The following SHB variants were observed in gnomAD, a reference collection of about 807,000 sequenced individuals.
SHB encodes SH2 domain-containing adapter protein B.
A neutral mutation model predicts 52.3 loss-of-function variants in SHB; 20 were observed. That is an observed-to-expected ratio of 0.38 (90% CI 0.27 to 0.56). The LOEUF (loss-of-function observed/expected upper bound fraction) is 0.56. Among genes scored for constraint, SHB ranks in the 20% least tolerant of loss-of-function variants. SHB has a pLI of 0.71. For missense variants in SHB, 825 were observed against 723.3 expected (o/e 1.14, Z -1.61); for synonymous variants, 397 against 316.5 (o/e 1.25, Z -2.70).
At chr9:38,066,145 C>G (rs1587272560) in intron 1 of SHB, among the ~76,000 whole-genome samples, 2 of 152,208 alleles carry the variant, frequency 1.3e-5, no homozygotes, top group African/African-American at 4.8e-5. Context: ...TGAAAAGAGT[C>G]AAGTCTTAAA....
intron 2 of SHB, among the ~76,000 whole-genome samples, chr9:37,997,264 T>G (rs900175084): frequency 6.6e-6 from 1 of 152,174 alleles, no homozygotes; most frequent in African/African-American, 2.4e-5. Context: ...GACACCCACC[T>G]CTGAGTTAAC....
intron 3 of SHB, among the ~76,000 whole-genome samples, chr9:37,972,386 G>A (rs76078942): frequency 0.057 from 8,664 of 152,194 alleles, 596 homozygotes; most frequent in African/African-American, 0.16. Flanking sequence ...GGGGAGACCT[G>A]GGGCAACTAA....
chr9:37,955,748 A>G (rs1205546371), intron 4 of SHB, 135 bp downstream of exon 4: 2 of 814,918 alleles, frequency 2.5e-6, no homozygotes, highest in East Asian at 5.4e-5. Flanking sequence ...TCGGCCTCCC[A>G]AAGTGCTGGG....
intron 3 of SHB, among the ~76,000 whole-genome samples, chr9:37,959,422 C>G (rs1411730917): frequency 6.6e-6 from 1 of 152,162 alleles, no homozygotes; most frequent in Non-Finnish European, 1.5e-5. Flanking sequence ...GCGGCTTGCC[C>G]TGGCATAGGA....
rs1344674114 is a variant in SHB, at chr9:37,956,071, A to G, written c.1055-17T>C. 1.3e-6 allele frequency: 2 copies of G among 1,552,422 alleles called. No homozygotes were observed. The highest frequency in any genetic ancestry group is 1.7e-6 in the Non-Finnish European group (2 of 1,147,536). ...TAAACTGTGCTGTGGGGAGAGAGAGAAAGTGCAGGGTTAGCAGAGCTCAGC... is the reference window on the plus strand; with the variant it reads ...TAAACTGTGCTGTGGGGAGAGAGAGGAAGTGCAGGGTTAGCAGAGCTCAGC... On this transcript the variant is annotated splice_polypyrimidine_tract_variant and intron_variant, in intron 3 of 5. Coordinates refer to ENST00000377707, the MANE Select transcript of SHB (RefSeq NM_003028.3).
At chr9:38,036,119 C>A (rs1263571186) in intron 1 of SHB, among the ~76,000 whole-genome samples, 3 of 152,178 alleles carry the variant, frequency 2.0e-5, no homozygotes, top group African/African-American at 7.2e-5. Context: ...CAGACAGGCC[C>A]AAACTCCTGT....
chr9:38,042,802 C>T (rs1821600104), intron 1 of SHB, among the ~76,000 whole-genome samples: 1 of 152,216 alleles, frequency 6.6e-6, no homozygotes, highest in African/African-American at 2.4e-5. Context: ...CCTGTTAATT[C>T]TCACTATCCC....
chr9:38,042,356 T>A (rs558146003), intron 1 of SHB, among the ~76,000 whole-genome samples: 1 of 152,342 alleles, frequency 6.6e-6, no homozygotes, highest in African/African-American at 2.4e-5. Flanking sequence ...ACTGCACACA[T>A]GCCCTTTAAT....
intron 2 of SHB, among the ~76,000 whole-genome samples, chr9:37,980,011 G>A (rs1820704672): frequency 6.6e-6 from 1 of 152,116 alleles, no homozygotes; most frequent in Non-Finnish European, 1.5e-5. Flanking sequence ...TTTGCTGGTG[G>A]AGGGTCTTGC....
chr9:37,966,851 G>A (rs1489339657), intron 3 of SHB, among the ~76,000 whole-genome samples: 4 of 152,292 alleles, frequency 2.6e-5, no homozygotes, highest in East Asian at 3.9e-4. Flanking sequence ...AGCAAGTGTG[G>A]AGCAGTGCCC....
At chr9:37,989,737 C>A (rs1211554949) in intron 2 of SHB, among the ~76,000 whole-genome samples, 1 of 152,170 alleles carries the variant, frequency 6.6e-6, no homozygotes, top group Admixed American at 6.5e-5. Flanking sequence ...TCTTGTATTT[C>A]TTGGTGTTAC....
At chr9:37,936,238 A>C (rs1832369680) in intron 5 of SHB, among the ~76,000 whole-genome samples, 1 of 152,080 alleles carries the variant, frequency 6.6e-6, no homozygotes, top group African/African-American at 2.4e-5. Flanking sequence ...AAAACCAAAC[A>C]AAACACCATT....
intron 2 of SHB, among the ~76,000 whole-genome samples, chr9:38,010,753 G>T (rs932444052): frequency 6.6e-6 from 1 of 152,214 alleles, no homozygotes; most frequent in African/African-American, 2.4e-5. Flanking sequence ...GGCGGTATCT[G>T]CCCAGGTTAT....
chr9:37,927,629 T>G (rs142049328), intron 5 of SHB, among the ~76,000 whole-genome samples: 10 of 152,370 alleles, frequency 6.6e-5, no homozygotes, highest in African/African-American at 2.4e-4. Flanking sequence ...GAACCCATTT[T>G]GGGCAATTTT....
chr9:38,043,684 GT>G (rs1821609584), intron 1 of SHB, among the ~76,000 whole-genome samples: 1 of 152,154 alleles, frequency 6.6e-6, no homozygotes, highest in African/African-American at 2.4e-5. Flanking sequence ...GAGGTCGGGA[GT>G]TTGAGACCAG....
At chr9:37,942,301 TGTC>T (rs1404168252) in intron 5 of SHB, among the ~76,000 whole-genome samples, 2 of 152,218 alleles carry the variant, frequency 1.3e-5, no homozygotes, top group African/African-American at 4.8e-5. Flanking sequence ...TTCTTGATAA[TGTC>T]GTGCTCCTCC....
rs764289456 is a variant in SHB at position 37,916,338 on chromosome 9, T to C, written c.*3483A>G. ...CTGCTCTGCTGGCAGGGCTTCTACC[T>C]GCACAGTCCCTAGGGCTGCAAGAGC... On this transcript the variant is annotated 3_prime_UTR_variant, in exon 6 of 6. Transcript: ENST00000377707. 2.6e-5 allele frequency among the ~76,000 whole-genome samples: 4 copies of C among 152,258 alleles called. No individual in the cohort carries two copies. Among genetic ancestry groups the C allele is most frequent in the Non-Finnish European group, 4.4e-5 (3 of 68,038 alleles).
intron 1 of SHB, among the ~76,000 whole-genome samples, chr9:38,038,865 G>A (rs951930043): frequency 6.6e-6 from 1 of 152,190 alleles, no homozygotes; most frequent in African/African-American, 2.4e-5. Flanking sequence ...AGGAGAAGTA[G>A]GGAAAGGCAG....
intron 4 of SHB, among the ~76,000 whole-genome samples, chr9:37,953,133 G>A (rs74942408): frequency 0.066 from 10,064 of 152,106 alleles, 413 homozygotes; most frequent in Non-Finnish European, 0.091. Flanking sequence ...GAAGGAGAGT[G>A]GTCAACTGTG....
Sources: gnomAD v4.1 joint callset for allele counts (sites outside exome capture counted in the v4.1 genomes callset) on GRCh38, gnomAD v4.1.1 for gene constraint, MANE v1.5 for transcripts, NCBI Gene and HGNC (gene_info 2026-07-23, HGNC 2026-07-21) for gene names.